Variants in PDHX observed in about 807,000 individuals in gnomAD.
PDHX encodes the protein pyruvate dehydrogenase protein X component, mitochondrial.
Under a neutral mutation model 55.3 loss-of-function variants are expected in PDHX, and 33 were observed. That is an observed-to-expected ratio of 0.60 (90% confidence interval 0.45 to 0.80). PDHX has a LOEUF of 0.80. Among genes scored for constraint, PDHX ranks in the 30% least tolerant of loss-of-function variants. The pLI is 0.00. For missense variants in PDHX, 622 were observed against 619.9 expected, an observed-to-expected ratio of 1.00 and a Z score of -0.04; for synonymous variants, 226 against 219.4, an observed-to-expected ratio of 1.03 and a Z score of -0.27.
intron 2 of PDHX, among the ~76,000 whole-genome samples, chr11:34,934,772 T>A (rs145235972): frequency 1.3e-5 from 2 of 151,550 alleles, no homozygotes; most frequent in East Asian, 3.9e-4. Context: ...AGAGACAGGG[T>A]CTCCCTGTGT....
At position 34,957,442 on chromosome 11, in the gene PDHX, AAGG is replaced by A. The variant is rs746633600; in HGVS notation, c.404_406del (p.Gly135del). On this transcript the variant is annotated inframe_deletion, in exon 4 of 11. Transcript: ENST00000227868. The stretch of plus-strand genomic sequence containing the variant: ...TCACTAATTGGTTTGATAGTAGAAG[AAGG>A]AGAAGATTGGAAACATGTTGAAATT... 2.5e-6 allele frequency: 4 copies of A among 1,613,702 alleles called. No homozygotes were observed. Among genetic ancestry groups the A allele is most frequent in the Non-Finnish European group, 3.4e-6 (4 of 1,179,592 alleles).
chr11:34,954,021 T>G (rs968784201), intron 3 of PDHX, among the ~76,000 whole-genome samples: 1 of 152,196 alleles, frequency 6.6e-6, no homozygotes, highest in African/African-American at 2.4e-5. Context: ...TAAACCAAAG[T>G]TCATTGTTCA....
rs549539782 is a variant in PDHX, at chr11:34,931,586, A to T, written c.241+102A>T. Reference sequence around the variant, plus strand: ...GTCCTGTTATACAGTATGTGATATAAATTAAATAAATTGTGTTCCTTTGGT... The same window carrying T: ...GTCCTGTTATACAGTATGTGATATATATTAAATAAATTGTGTTCCTTTGGT... On this transcript the variant is annotated intron_variant, in intron 2 of 10. Coordinates refer to ENST00000227868, the MANE Select transcript of PDHX (RefSeq NM_003477.3). The T allele has an allele frequency of 3.2e-5, 22 of 684,680 alleles. No individual in the cohort carries two copies. The East Asian group carries it at 5.3e-4, about 16-fold the overall frequency. 42.4% of individuals were successfully genotyped at this position (684,680 alleles called of 1,614,324 possible). A position where few individuals can be genotyped will look rare whatever the true frequency, so the allele number is the denominator to read the frequency against.
chr11:34,960,161 TAGC>T lies in PDHX; in HGVS notation c.543-255_543-253del, dbSNP rs139746171. On this transcript the variant is annotated intron_variant, in intron 4 of 10. Coordinates refer to ENST00000227868, the MANE Select transcript of PDHX (RefSeq NM_003477.3). ...CCCATGTGAAAGTAATTAGTTGAAA[TAGC>T]AGCTCTTTCCCCTAATTAATATTTA... Among the ~76,000 whole-genome samples, 633 of 152,322 alleles carry T rather than the reference TAGC, an allele frequency of 4.2e-3. 4 individuals are homozygous for T. The highest frequency in any genetic ancestry group is 0.014 in the African/African-American group (600 of 41,578).
At chr11:34,951,399 G>C (rs1408542032) in intron 3 of PDHX, among the ~76,000 whole-genome samples, 2 of 152,120 alleles carry the variant, frequency 1.3e-5, no homozygotes, top group Non-Finnish European at 2.9e-5. Context: ...TAACTGGTGT[G>C]AGATGGTATC....
At chr11:34,949,000 C>G (rs1825164267) in intron 3 of PDHX, among the ~76,000 whole-genome samples, 1 of 152,182 alleles carries the variant, frequency 6.6e-6, no homozygotes, top group Non-Finnish European at 1.5e-5. Flanking sequence ...GTCAGTGGGT[C>G]AGCAGTGCCA....
chr11:34,994,981 A>G lies in PDHX; in HGVS notation c.1315A>G (p.Ile439Val). Residue 439 changes from isoleucine (I) to valine (V), a missense_variant, in exon 11 of 11, where the codon ATT (isoleucine) becomes GTT (valine). Physicochemically the swap from Ile to Val is conservative, Grantham distance 29. Transcript: ENST00000227868. ...AGTGATTAACCCTCCTCAGGCCTGCATTTTGGCGGTTGGGAGGTTCCGACC... is the reference window on the plus strand; with the variant it reads ...AGTGATTAACCCTCCTCAGGCCTGCGTTTTGGCGGTTGGGAGGTTCCGACC... The part of the protein sequence containing the change: ...TAVINPPQAC[I>V]LAVGRFRPVL... The G allele has an allele frequency of 6.2e-7, 1 of 1,614,020 alleles. No homozygotes were observed. Among genetic ancestry groups the G allele is most frequent in the Non-Finnish European group, 8.5e-7 (1 of 1,179,922 alleles).
intron 4 of PDHX, 105 bp from the exon 5 acceptor site, chr11:34,960,315 T>A (rs888242649): frequency 7.8e-5 from 59 of 751,732 alleles, no homozygotes; most frequent in Middle Eastern, 2.5e-4. Context: ...TTAGCTTTAT[T>A]ATAAGATTTT....
chr11:34,947,471 T>C, intron 2 of PDHX, 35 bp from the exon 3 acceptor site: 1 of 1,408,850 alleles, frequency 7.1e-7, no homozygotes, highest in Non-Finnish European at 1.0e-6. Flanking sequence ...TATTTATATT[T>C]TAAAAAACAA....
chr11:34,930,084 A>G (rs1854120388), intron 1 of PDHX, among the ~76,000 whole-genome samples: 1 of 152,232 alleles, frequency 6.6e-6, no homozygotes, highest in Non-Finnish European at 1.5e-5. Flanking sequence ...GCAAGAACAC[A>G]GAGAGGTGGG....
chr11:34,951,010 T>C (rs1854751957), intron 3 of PDHX, among the ~76,000 whole-genome samples: 1 of 149,570 alleles, frequency 6.7e-6, no homozygotes, highest in Non-Finnish European at 1.5e-5. Context: ...AAAGTATTCC[T>C]ATTTCTCCAC....
intron 9 of PDHX, among the ~76,000 whole-genome samples, chr11:34,986,042 T>C (rs1173483567): frequency 1.3e-5 from 2 of 152,214 alleles, no homozygotes; most frequent in Admixed American, 1.3e-4. Context: ...TGGTGGCTCA[T>C]GCCCGTAATC....
rs1034744889 is a variant in PDHX, at chr11:34,995,297, G to A, written c.*125G>A. The A allele has an allele frequency of 1.5e-5, 17 of 1,110,882 alleles. No homozygotes were observed. Among genetic ancestry groups the A allele is most frequent in the Admixed American group, 1.0e-4 (6 of 57,624 alleles). The allele number at this position is 1,110,882 out of a possible 1,614,324, so 68.8% of individuals were successfully genotyped here. Reference sequence around the variant, plus strand: ...TGGATGAAATGTTTATTTATTTAAGGTGAAAGCATTTGACCCAGGGTGTCT... The same window carrying A: ...TGGATGAAATGTTTATTTATTTAAGATGAAAGCATTTGACCCAGGGTGTCT... On this transcript the variant is annotated 3_prime_UTR_variant, in exon 11 of 11. Transcript: ENST00000227868.
Position 34,958,820 on chromosome 11 carries a change from T to C in PDHX, c.542+1237T>C, listed in dbSNP as rs542409750. On this transcript the variant is annotated intron_variant, in intron 4 of 10. Coordinates refer to ENST00000227868, the MANE Select transcript of PDHX (RefSeq NM_003477.3). Reference sequence around the variant, plus strand: ...GAGACTCGCATGAATCAGGCCCCACTGTGTAGGTTAAAAACCTACTGACCT... The same window carrying C: ...GAGACTCGCATGAATCAGGCCCCACCGTGTAGGTTAAAAACCTACTGACCT... Among the ~76,000 whole-genome samples, 735 of 152,268 alleles carry C rather than the reference T, an allele frequency of 4.8e-3. 3 individuals are homozygous for C. Among genetic ancestry groups the C allele is most frequent in the Non-Finnish European group, 8.1e-3 (550 of 68,004 alleles).
chr11:34,969,745 TAC>T (rs1262825039), intron 6 of PDHX, among the ~76,000 whole-genome samples: 6 of 152,192 alleles, frequency 3.9e-5, no homozygotes, highest in Admixed American at 6.5e-5. Context: ...TGTATGTATG[TAC>T]ACACACATAT....
At chr11:34,947,057 G>A (rs901920920) in intron 2 of PDHX, among the ~76,000 whole-genome samples, 4 of 152,114 alleles carry the variant, frequency 2.6e-5, no homozygotes, top group African/African-American at 9.7e-5. Context: ...ACTGTGTGCT[G>A]CCAACAGGTT....
intron 2 of PDHX, among the ~76,000 whole-genome samples, chr11:34,945,280 A>G (rs1436306252): frequency 1.3e-5 from 2 of 152,188 alleles, no homozygotes; most frequent in African/African-American, 4.8e-5. Flanking sequence ...TTAAACCCTC[A>G]AACATTACTT....
chr11:34,930,191 T>C (rs192026819), intron 1 of PDHX, among the ~76,000 whole-genome samples: 1 of 152,322 alleles, frequency 6.6e-6, no homozygotes, highest in East Asian at 1.9e-4. Context: ...ATCAGGAAGT[T>C]CTTAAAATAA....
chr11:34,956,840 A>G (rs79413143), intron 3 of PDHX, among the ~76,000 whole-genome samples: 7,178 of 152,222 alleles, frequency 0.047, 539 homozygotes, highest in African/African-American at 0.16. Context: ...ACTATATTTA[A>G]CATTAACTGG....
Sources: allele counts gnomAD v4.1 joint callset (sites outside exome capture counted in the v4.1 genomes callset), GRCh38; gene constraint gnomAD v4.1.1; transcripts MANE v1.5; gene names NCBI Gene and HGNC (gene_info 2026-07-23, HGNC 2026-07-21).